Variants in PDSS2 observed in about 807,000 individuals in gnomAD.
PDSS2 encodes the protein decaprenyl diphosphate synthase subunit 2, also known as all trans-polyprenyl-diphosphate synthase PDSS2.
In PDSS2, 31 loss-of-function variants were observed where a neutral mutation model predicts 44.5. The ratio of observed to expected loss-of-function variants is 0.70; its 90% confidence interval spans 0.52 to 0.94. PDSS2 has a LOEUF of 0.94. PDSS2 is among the 40% of genes least tolerant of loss of function. The pLI, the probability that PDSS2 is intolerant of heterozygous loss-of-function variation, is 0.00. For missense variants in PDSS2, 452 were observed against 482.2 expected (o/e 0.94, Z 0.59); for synonymous variants, 157 against 180.3 (o/e 0.87, Z 1.03).
chr6:107,428,050 A>C (rs1781060765), intron 1 of PDSS2, among the ~76,000 whole-genome samples: 1 of 152,246 alleles, frequency 6.6e-6, no homozygotes, highest in Non-Finnish European at 1.5e-5. Flanking sequence ...TATAATGTTT[A>C]AAACTAATAT....
intron 2 of PDSS2, among the ~76,000 whole-genome samples, chr6:107,293,960 T>C (rs1024643316): frequency 6.6e-6 from 1 of 152,152 alleles, no homozygotes; most frequent in African/African-American, 2.4e-5. Context: ...GAGTTCTGAA[T>C]TGCTTCACAA....
At chr6:107,415,151 A>G in intron 1 of PDSS2, among the ~76,000 whole-genome samples, 1 of 149,852 alleles carries the variant, frequency 6.7e-6, no homozygotes, top group East Asian at 2.0e-4. Flanking sequence ...GTTAAAAAAA[A>G]TTTTTTTTTT....
At chr6:107,381,606 GA>G (rs1321267216) in intron 1 of PDSS2, among the ~76,000 whole-genome samples, 1 of 152,178 alleles carries the variant, frequency 6.6e-6, no homozygotes, top group Non-Finnish European at 1.5e-5. Flanking sequence ...AAACCAAGTA[GA>G]CTCCTGATTA....
rs971624350 is a variant in PDSS2, at chr6:107,364,674, G to A, written c.297-30342C>T. Among the ~76,000 whole-genome samples, 5 of 152,156 alleles carry A rather than the reference G, an allele frequency of 3.3e-5. No individual in the cohort carries two copies. In the East Asian group the frequency reaches 7.7e-4, roughly 24 times the overall value. ...AGGGAGTGGGCTCCAGCCTTGGCCA[G>A]CCCAGAAAGGGGCTCCCACAGTGCA... On this transcript the variant is annotated intron_variant, in intron 1 of 7. Transcript: ENST00000369037.
chr6:107,377,127 G>A (rs888167186), intron 1 of PDSS2, among the ~76,000 whole-genome samples: 10 of 141,584 alleles, frequency 7.1e-5, no homozygotes, highest in Non-Finnish European at 1.1e-4. Context: ...GAAAATTTTC[G>A]CAACCTACTC....
intron 2 of PDSS2, among the ~76,000 whole-genome samples, chr6:107,299,644 A>G (rs1451581133): frequency 6.6e-6 from 1 of 152,180 alleles, no homozygotes; most frequent in Non-Finnish European, 1.5e-5. Context: ...AAGAGCTTCT[A>G]TGAAGAATGC....
At chr6:107,229,984 G>A (rs1224923062) in intron 4 of PDSS2, 3 of 214,190 alleles carry the variant, frequency 1.4e-5, no homozygotes, top group East Asian at 1.1e-4. Context: ...CATGATGTAC[G>A]ACTCGCTGGA....
chr6:107,406,383 G>A (rs1277337966), intron 1 of PDSS2, among the ~76,000 whole-genome samples: 1 of 152,168 alleles, frequency 6.6e-6, no homozygotes, highest in Non-Finnish European at 1.5e-5. Flanking sequence ...TACCTGAGTG[G>A]TAAGGAATTA....
At chr6:107,286,136 T>TAAATAAAAAAAAAAAA (rs568159749) in intron 2 of PDSS2, among the ~76,000 whole-genome samples, 2 of 128,742 alleles carry the variant, frequency 1.6e-5, no homozygotes, top group East Asian at 2.4e-4. Context: ...CGTCGCAAAA[T>TAAATAAAAAAAAAAAA]AAAAAAAAAA....
At chr6:107,237,802 A>G (rs1433658512) in intron 4 of PDSS2, among the ~76,000 whole-genome samples, 2 of 150,200 alleles carry the variant, frequency 1.3e-5, no homozygotes, top group African/African-American at 4.9e-5. Context: ...AAGCTGCGGC[A>G]GGTGAATCGC....
At chr6:107,255,259 C>T (rs1171606348) in intron 3 of PDSS2, among the ~76,000 whole-genome samples, 1 of 137,400 alleles carries the variant, frequency 7.3e-6, no homozygotes, top group African/African-American at 2.8e-5. Flanking sequence ...GTGGTGTGAT[C>T]TTGGCTCACC....
rs541494968 is a variant in PDSS2 at position 107,173,302 on chromosome 6, G to A, written c.1042-18525C>T. Among the ~76,000 whole-genome samples the A allele has an allele frequency of 5.9e-5, 8 of 136,470 alleles. No individual in the cohort carries two copies. In the East Asian group the frequency reaches 9.8e-4, roughly 17 times the overall value. 89.5% of individuals were successfully genotyped at this position (136,470 alleles called of 152,430 possible). ...TTGAACAGGAAAACAGGCCAGGCGC[G>A]GTGGCTCACAGCTGTAATCCCAGCA... On this transcript the variant is annotated intron_variant, in intron 7 of 7. Coordinates refer to ENST00000369037, the MANE Select transcript of PDSS2 (RefSeq NM_020381.4).
intron 2 of PDSS2, among the ~76,000 whole-genome samples, chr6:107,328,429 G>A (rs1205369485): frequency 6.6e-6 from 1 of 152,030 alleles, no homozygotes; most frequent in Non-Finnish European, 1.5e-5. Flanking sequence ...TGGTGAAACT[G>A]TTTTCTTTTC....
chr6:107,353,371 A>G (rs976434008), intron 1 of PDSS2, among the ~76,000 whole-genome samples: 5 of 152,210 alleles, frequency 3.3e-5, no homozygotes, highest in Non-Finnish European at 5.9e-5. Context: ...AACTGATTTT[A>G]TTTACAGTTA....
intron 3 of PDSS2, 103 bp downstream of exon 3, chr6:107,273,926 T>A: frequency 1.2e-6 from 1 of 821,624 alleles, no homozygotes; most frequent in East Asian, 2.4e-5. Flanking sequence ...AGCATGTACA[T>A]GAGGGGAGTT....
intron 1 of PDSS2, among the ~76,000 whole-genome samples, chr6:107,426,529 A>T (rs545381097): frequency 6.6e-6 from 1 of 152,252 alleles, no homozygotes; most frequent in African/African-American, 2.4e-5. Context: ...GAAGAGGGCC[A>T]CCATTCTCCA....
At chr6:107,174,498 G>A (rs113939549) in intron 7 of PDSS2, among the ~76,000 whole-genome samples, 12 of 152,126 alleles carry the variant, frequency 7.9e-5, no homozygotes, top group Non-Finnish European at 1.5e-4. Context: ...ATAGGACGAC[G>A]CTGCCTCTAA....
intron 2 of PDSS2, among the ~76,000 whole-genome samples, chr6:107,286,557 G>C (rs1582894174): frequency 6.6e-6 from 1 of 151,458 alleles, no homozygotes; most frequent in East Asian, 1.9e-4. Flanking sequence ...AAAATAATGA[G>C]GCAAATACAG....
chr6:107,210,533 G>A lies in PDSS2; in HGVS notation c.914C>T (p.Thr305Ile). The A allele has an allele frequency of 1.2e-6, 2 of 1,602,126 alleles. No homozygotes were observed. Among genetic ancestry groups the A allele is most frequent in the African/African-American group, 2.7e-5 (2 of 74,776 alleles). ...SDVQPFIKEKTSDSMTFNLNS... is the reference protein window; with the variant it reads ...SDVQPFIKEKISDSMTFNLNS... ...TAGATTAAAAGTCATGGAGTCACTG[G>A]TCTTTTCTTTAATAAAAGGCTGGAC... Residue 305 changes from threonine to isoleucine, a missense_variant, in exon 6 of 8, where the codon ACC becomes ATC. Transcript: ENST00000369037.
Sources: allele counts gnomAD v4.1 joint callset (sites outside exome capture counted in the v4.1 genomes callset), GRCh38; gene constraint gnomAD v4.1.1; transcripts MANE v1.5; gene names NCBI Gene and HGNC (gene_info 2026-07-23, HGNC 2026-07-21).